The following FHIT variants were observed in gnomAD, a reference collection of about 807,000 sequenced individuals.
FHIT encodes fragile histidine triad diadenosine triphosphatase, also known as bis(5'-adenosyl)-triphosphatase.
A neutral mutation model predicts 17.9 loss-of-function variants in FHIT; 19 were observed. The ratio of observed to expected loss-of-function variants is 1.06; its 90% CI spans 0.74 to 1.56. The LOEUF is 1.56. Among genes scored for constraint, FHIT ranks in the 40% most tolerant of loss-of-function variants. FHIT has a pLI of 0.00. For missense variants in FHIT, 248 were observed against 189.2 expected (o/e 1.31, Z -1.82); for synonymous variants, 81 against 69.7 (o/e 1.16, Z -0.81).
chr3:60,106,360 T>G (rs940409569), intron 5 of FHIT, among the ~76,000 whole-genome samples: 4 of 152,204 alleles, frequency 2.6e-5, no homozygotes, highest in African/African-American at 4.8e-5. Flanking sequence ...AGAATAAATC[T>G]TCTATCCATG....
At chr3:60,609,051 C>T (rs1278175955) in intron 4 of FHIT, among the ~76,000 whole-genome samples, 1 of 151,622 alleles carries the variant, frequency 6.6e-6, no homozygotes, top group African/African-American at 2.4e-5. Context: ...TATAAATGTC[C>T]TGGAGACTTC....
rs531396498 is a variant in FHIT, at chr3:59,811,611, A to AAATC, written c.349-59294_349-59291dup. Among the ~76,000 whole-genome samples the AAATC allele has an allele frequency of 4.0e-3, 605 of 152,306 alleles. 3 individuals are homozygous for AAATC. Among genetic ancestry groups the AAATC allele is most frequent in the African/African-American group, 0.014 (574 of 41,540 alleles). On this transcript the variant is annotated intron_variant, in intron 8 of 9. Coordinates refer to ENST00000492590, the MANE Select transcript of FHIT (RefSeq NM_002012.4). ...AGAAAGAAAGGAAGGAAGAAAAAGA[A>AAATC]AATCACTTAGTGATTTACTGGACTC...
intron 7 of FHIT, among the ~76,000 whole-genome samples, chr3:59,973,222 T>G (rs1044443955): frequency 1.3e-5 from 2 of 152,120 alleles, no homozygotes; most frequent in African/African-American, 4.8e-5. Context: ...CCTAACCGTA[T>G]AGTGACGCTC....
At chr3:60,206,279 T>G (rs1344570462) in intron 5 of FHIT, among the ~76,000 whole-genome samples, 1 of 152,090 alleles carries the variant, frequency 6.6e-6, no homozygotes, top group East Asian at 1.9e-4. Flanking sequence ...TATTTCTCCC[T>G]TTGCTCTTCT....
intron 5 of FHIT, among the ~76,000 whole-genome samples, chr3:60,384,683 T>C (rs1700937254): frequency 1.7e-5 from 1 of 60,346 alleles, no homozygotes; most frequent in Admixed American, 2.6e-4. Flanking sequence ...TGTGAATCAC[T>C]ACAGAAAATC....
intron 7 of FHIT, among the ~76,000 whole-genome samples, chr3:60,003,403 C>T (rs1699802498): frequency 6.6e-6 from 1 of 152,090 alleles, no homozygotes; most frequent in Non-Finnish European, 1.5e-5. Flanking sequence ...GCTAAAAGGC[C>T]CAATTTCAAT....
intron 8 of FHIT, among the ~76,000 whole-genome samples, chr3:59,773,603 C>T (rs1196533460): frequency 6.6e-6 from 1 of 152,148 alleles, no homozygotes; most frequent in African/African-American, 2.4e-5. Flanking sequence ...CCTCTTTTCA[C>T]GAAGCCTTCC....
At chr3:60,785,932 CACAG>C (rs1340960466) in intron 4 of FHIT, among the ~76,000 whole-genome samples, 5 of 124,480 alleles carry the variant, frequency 4.0e-5, no homozygotes, top group Non-Finnish European at 3.6e-5. Context: ...CACACACACA[CACAG>C]AGAGAGTACT....
intron 2 of FHIT, among the ~76,000 whole-genome samples, chr3:61,131,529 G>A (rs1042320315): frequency 6.6e-6 from 1 of 152,202 alleles, no homozygotes; most frequent in African/African-American, 2.4e-5. Flanking sequence ...CGCAGCCTTG[G>A]TCAGGAGAGG....
At chr3:61,208,741 G>T (rs1375275235) in intron 1 of FHIT, among the ~76,000 whole-genome samples, 1 of 151,882 alleles carries the variant, frequency 6.6e-6, no homozygotes, top group African/African-American at 2.4e-5. Flanking sequence ...CCTGAATACA[G>T]CACACTGATG....
chr3:61,104,749 A>C (rs1210006466), intron 2 of FHIT, among the ~76,000 whole-genome samples: 2 of 152,106 alleles, frequency 1.3e-5, no homozygotes, highest in African/African-American at 2.4e-5. Context: ...CATATTTCTC[A>C]GAGGTTTTGT....
At chr3:61,161,273 G>C (rs1236522785) in intron 2 of FHIT, among the ~76,000 whole-genome samples, 1 of 151,636 alleles carries the variant, frequency 6.6e-6, no homozygotes. Flanking sequence ...CGCAATCTCG[G>C]CTCACTGCAA....
chr3:60,117,525 T>C (rs1244040809), intron 5 of FHIT, among the ~76,000 whole-genome samples: 1 of 145,942 alleles, frequency 6.9e-6, no homozygotes, highest in Non-Finnish European at 1.5e-5. Context: ...AAAAAGACAC[T>C]GTTTATCACC....
intron 5 of FHIT, among the ~76,000 whole-genome samples, chr3:60,484,869 A>C (rs2033768657): frequency 1.3e-5 from 2 of 152,214 alleles, no homozygotes; most frequent in African/African-American, 4.8e-5. Context: ...GTGAACAGGC[A>C]ATCTACAGAA....
intron 5 of FHIT, among the ~76,000 whole-genome samples, chr3:60,082,887 T>C (rs958233082): frequency 2.6e-5 from 4 of 152,188 alleles, no homozygotes; most frequent in African/African-American, 9.7e-5. Context: ...GTCAGATGCA[T>C]AGTTTGCAAA....
chr3:60,202,690 G>T (rs1702971878), intron 5 of FHIT, among the ~76,000 whole-genome samples: 1 of 152,244 alleles, frequency 6.6e-6, no homozygotes, highest in Non-Finnish European at 1.5e-5. Context: ...GTAAGAGAAG[G>T]TCCCTACCAG....
Position 60,148,271 on chromosome 3 carries a change from A to C in FHIT, c.104-134119T>G, listed in dbSNP as rs1700322135. Among the ~76,000 whole-genome samples, 3 of 152,206 alleles carry C rather than the reference A, an allele frequency of 2.0e-5. No homozygotes were observed. The South Asian group carries it at 6.2e-4, about 32-fold the overall frequency. On this transcript the variant is annotated intron_variant, in intron 5 of 9. Transcript: ENST00000492590. ...GTCCCATACTATACATGCCATATGG[A>C]TAGATAAATGGCATATGTGGTAATA...
chr3:60,454,676 G>A (rs747666049), intron 5 of FHIT, among the ~76,000 whole-genome samples: 55 of 152,148 alleles, frequency 3.6e-4, no homozygotes, highest in Admixed American at 9.8e-4. Context: ...GAGCCACCAC[G>A]CTCAGCCTTA....
At position 60,259,075 on chromosome 3, in the gene FHIT, C is replaced by G. The variant is rs145662012; in HGVS notation, c.104-244923G>C. On this transcript the variant is annotated intron_variant, in intron 5 of 9. Transcript: ENST00000492590. The stretch of plus-strand genomic sequence containing the variant: ...AGTTAAAAAAAAAAAAAAGACCTAC[C>G]TTGATGTGGTTCCGAAAGATTTTTT... Among the ~76,000 whole-genome samples, 88 of 151,732 alleles carry G rather than the reference C, an allele frequency of 5.8e-4. 1 individual carries two copies. Among genetic ancestry groups the G allele is most frequent in the African/African-American group, 2.1e-3 (86 of 41,414 alleles).
Sources: gnomAD v4.1 joint callset for allele counts (sites outside exome capture counted in the v4.1 genomes callset) on GRCh38, gnomAD v4.1.1 for gene constraint, MANE v1.5 for transcripts, NCBI Gene and HGNC (gene_info 2026-07-23, HGNC 2026-07-21) for gene names.